F13A1: variants seen among roughly 807,000 people sequenced by gnomAD.
The protein encoded by F13A1 is coagulation factor XIII A chain, also known as FSF, A subunit.
F13A1 carries 47 observed loss-of-function variants against 80.1 expected under a neutral mutation model. The ratio of observed to expected loss-of-function variants is 0.59; its 90% CI spans 0.46 to 0.75. The LOEUF is 0.75. F13A1 is among the 30% of genes least tolerant of loss of function. The probability of loss-of-function intolerance (pLI) is 0.00; values close to 1 mark genes in which losing one functional copy is unlikely to be tolerated. For synonymous variants in F13A1, 349 were observed against 344.9 expected, an observed-to-expected ratio of 1.01 and a Z score of -0.13; for missense variants, 817 against 930.4, an observed-to-expected ratio of 0.88 and a Z score of 1.59.
intron 10 of F13A1, among the ~76,000 whole-genome samples, chr6:6,193,729 C>T (rs922871): frequency 0.14 from 21,777 of 152,186 alleles, 1,998 homozygotes; most frequent in South Asian, 0.28. Context: ...GGGAGGTCCT[C>T]CTTCTCCTTC....
chr6:6,195,942 A>T, intron 9 of F13A1, 57 bp from the exon 10 acceptor site: 2 of 1,490,304 alleles, frequency 1.3e-6, no homozygotes, highest in Non-Finnish European at 1.9e-6. Context: ...CTGTCCAGAT[A>T]CTGCAAGATT....
intron 3 of F13A1, among the ~76,000 whole-genome samples, chr6:6,290,450 A>C (rs55706530): frequency 6.6e-6 from 1 of 152,238 alleles, no homozygotes; most frequent in African/African-American, 2.4e-5. Flanking sequence ...TTATAAAAAT[A>C]AAAATGTGGT....
chr6:6,210,860 CG>C (rs1333578354), intron 8 of F13A1, among the ~76,000 whole-genome samples: 2 of 152,118 alleles, frequency 1.3e-5, no homozygotes, highest in Non-Finnish European at 2.9e-5. Flanking sequence ...TCCCAAGTAG[CG>C]GGGATTACAG....
chr6:6,179,347 G>C (rs1760938995), intron 11 of F13A1, among the ~76,000 whole-genome samples: 1 of 152,162 alleles, frequency 6.6e-6, no homozygotes, highest in South Asian at 2.1e-4. Flanking sequence ...AAGTGAACCT[G>C]ATCTTTCCAT....
At chr6:6,194,039 A>G (rs1392226187) in intron 10 of F13A1, among the ~76,000 whole-genome samples, 1 of 152,172 alleles carries the variant, frequency 6.6e-6, no homozygotes, top group Non-Finnish European at 1.5e-5. Flanking sequence ...CTTTCTAAAT[A>G]TTAACATTTC....
intron 13 of F13A1, among the ~76,000 whole-genome samples, chr6:6,154,900 C>T (rs1437501179): frequency 6.6e-6 from 1 of 152,184 alleles, no homozygotes; most frequent in East Asian, 1.9e-4. Context: ...TTGCTATGAT[C>T]ACTATATTCT....
chr6:6,179,758 T>C (rs367872055), intron 11 of F13A1, among the ~76,000 whole-genome samples: 1 of 152,150 alleles, frequency 6.6e-6, no homozygotes, highest in Admixed American at 6.5e-5. Context: ...ATTTAGGGAT[T>C]CTTCTAGTTG....
At chr6:6,182,915 G>C (rs960261755) in intron 10 of F13A1, among the ~76,000 whole-genome samples, 4 of 152,138 alleles carry the variant, frequency 2.6e-5, no homozygotes, top group Non-Finnish European at 1.5e-5. Context: ...TGATCTAGGA[G>C]GAATTCAGGC....
At chr6:6,173,883 G>A (rs1361098222) in intron 12 of F13A1, among the ~76,000 whole-genome samples, 1 of 152,018 alleles carries the variant, frequency 6.6e-6, no homozygotes, top group Non-Finnish European at 1.5e-5. Context: ...AGTCTGCTTG[G>A]GATCTTGTCA....
chr6:6,261,509 G>T (rs1757781103), intron 4 of F13A1, among the ~76,000 whole-genome samples: 1 of 152,236 alleles, frequency 6.6e-6, no homozygotes, highest in Admixed American at 6.5e-5. Flanking sequence ...GAACTGGTTA[G>T]AAATGCAAAT....
chr6:6,217,386 G>A (rs1757111374), intron 8 of F13A1, among the ~76,000 whole-genome samples: 1 of 151,986 alleles, frequency 6.6e-6, no homozygotes, highest in South Asian at 2.1e-4. Context: ...TAGGGACATG[G>A]ATGAAATTGG....
Position 6,224,729 on chromosome 6 carries a change from G to T in F13A1, c.930C>A (p.Val310=). The T allele has an allele frequency of 1.2e-6, 2 of 1,614,104 alleles. No individual in the cohort carries two copies. The highest frequency in any genetic ancestry group is 1.7e-6 in the Non-Finnish European group (2 of 1,179,984). ...CAAAAACCCAGCATTGGCCATACCG[G>T]ACTGGATTCTCAGAGCTCCGGTATT... The part of the protein sequence containing the change: ...LLEYRSSENP[V]RYGQCWVFAG... Residue 310 remains valine (V), a synonymous_variant, in exon 7 of 15, where the codon GTC becomes GTA. Transcript: ENST00000264870.
At chr6:6,261,471 C>G (rs1479375939) in intron 4 of F13A1, among the ~76,000 whole-genome samples, 1 of 152,222 alleles carries the variant, frequency 6.6e-6, no homozygotes, top group East Asian at 1.9e-4. Context: ...AAGTGTTGAC[C>G]CCGACCAGCA....
intron 8 of F13A1, among the ~76,000 whole-genome samples, chr6:6,215,669 G>A (rs1411038013): frequency 1.3e-5 from 2 of 150,578 alleles, no homozygotes; most frequent in Non-Finnish European, 3.0e-5. Flanking sequence ...AGTGTTGGAA[G>A]TTCTGGCCAG....
intron 7 of F13A1, among the ~76,000 whole-genome samples, chr6:6,223,760 T>C (rs1757234091): frequency 6.6e-6 from 1 of 152,106 alleles, no homozygotes; most frequent in African/African-American, 2.4e-5. Context: ...TTTGTAATCA[T>C]TTTTTTAAAT....
At chr6:6,182,538 T>G (rs1761007037) in intron 10 of F13A1, among the ~76,000 whole-genome samples, 1 of 152,172 alleles carries the variant, frequency 6.6e-6, no homozygotes. Context: ...AGAGGAAGTC[T>G]GCTAGGTGGC....
intron 2 of F13A1, among the ~76,000 whole-genome samples, chr6:6,316,119 A>AGTT: frequency 3.6e-5 from 2 of 55,758 alleles, no homozygotes; most frequent in African/African-American, 1.7e-4. Flanking sequence ...ATATATATAT[A>AGTT]TATATATATA....
chr6:6,214,582 G>T (rs1270391600), intron 8 of F13A1, among the ~76,000 whole-genome samples: 5 of 100,962 alleles, frequency 5.0e-5, no homozygotes, highest in Admixed American at 4.6e-4. Flanking sequence ...AAGCAGGAAA[G>T]ATCCAAAATT....
chr6:6,191,335 G>A lies in F13A1; in HGVS notation c.1305+4462C>T, dbSNP rs147612025. Among the ~76,000 whole-genome samples the A allele has an allele frequency of 4.5e-3, 687 of 152,204 alleles. 6 individuals are homozygous for A. Among genetic ancestry groups the A allele is most frequent in the African/African-American group, 0.015 (637 of 41,534 alleles). ...CTACTTGTGAAAGCCCTACATTTAC[G>A]GCTAATTTTTCTTCCTTCTTTTGAA... On this transcript the variant is annotated intron_variant, in intron 10 of 14. Coordinates refer to ENST00000264870, the MANE Select transcript of F13A1 (RefSeq NM_000129.4).
Sources: gnomAD v4.1 joint callset for allele counts (sites outside exome capture counted in the v4.1 genomes callset) on GRCh38, gnomAD v4.1.1 for gene constraint, MANE v1.5 for transcripts, NCBI Gene and HGNC (gene_info 2026-07-23, HGNC 2026-07-21) for gene names.